The following LRRC4C variants were observed in gnomAD, a reference collection of about 807,000 sequenced individuals.
LRRC4C encodes the protein leucine rich repeat containing 4C, also known as leucine-rich repeat-containing protein 4C.
LRRC4C carries 5 observed loss-of-function variants against 33.6 expected under a neutral mutation model. That is an observed-to-expected ratio of 0.15 (90% CI 0.08 to 0.31). The LOEUF (loss-of-function observed/expected upper bound fraction) is 0.31, where lower values mean the gene tolerates loss of function less well. Among genes scored for constraint, LRRC4C ranks in the 10% least tolerant of loss-of-function variants. The probability of loss-of-function intolerance (pLI) is 1.00; values close to 1 mark genes in which losing one functional copy is unlikely to be tolerated. For missense variants in LRRC4C, 560 were observed against 796.7 expected (o/e 0.70, Z 3.58); for synonymous variants, 329 against 302.0 (o/e 1.09, Z -0.93).
chr11:41,429,928 A>C (rs1955178155), intron 1 of LRRC4C, among the ~76,000 whole-genome samples: 2 of 152,166 alleles, frequency 1.3e-5, no homozygotes, highest in Admixed American at 1.3e-4. Context: ...TAAGTTAGGC[A>C]GATGATGGTA....
intron 1 of LRRC4C, among the ~76,000 whole-genome samples, chr11:41,364,418 A>T (rs1451784068): frequency 6.6e-6 from 1 of 152,096 alleles, no homozygotes; most frequent in Non-Finnish European, 1.5e-5. Context: ...AGCTAGGATT[A>T]TAGGCACGCA....
intron 2 of LRRC4C, among the ~76,000 whole-genome samples, chr11:40,800,944 T>A (rs1241086665): frequency 1.3e-5 from 2 of 152,146 alleles, no homozygotes; most frequent in African/African-American, 4.8e-5. Flanking sequence ...TCTTGTTCCT[T>A]AAATACATCA....
chr11:40,156,917 T>G (rs1858745965), intron 5 of LRRC4C, among the ~76,000 whole-genome samples: 1 of 152,060 alleles, frequency 6.6e-6, no homozygotes, highest in African/African-American at 2.4e-5. Flanking sequence ...AAAACAATTC[T>G]AAAATTCATA....
At chr11:41,087,457 T>A (rs1369280798) in intron 1 of LRRC4C, among the ~76,000 whole-genome samples, 3 of 152,182 alleles carry the variant, frequency 2.0e-5, no homozygotes, top group Non-Finnish European at 4.4e-5. Flanking sequence ...GTAGTTCTCC[T>A]TCATCATCTT....
intron 5 of LRRC4C, among the ~76,000 whole-genome samples, chr11:40,144,310 C>T (rs935452566): frequency 1.3e-5 from 2 of 152,088 alleles, no homozygotes; most frequent in African/African-American, 4.8e-5. Flanking sequence ...AAATGCTGAA[C>T]ATAACTATCC....
chr11:40,260,346 T>C (rs1342419596), intron 4 of LRRC4C, among the ~76,000 whole-genome samples: 10 of 144,972 alleles, frequency 6.9e-5, no homozygotes, highest in East Asian at 2.0e-4. Context: ...TAGGTGGGAA[T>C]TGAACAATGA....
chr11:40,892,631 A>G (rs1254381748), intron 2 of LRRC4C, among the ~76,000 whole-genome samples: 1 of 152,242 alleles, frequency 6.6e-6, no homozygotes, highest in African/African-American at 2.4e-5. Context: ...ATTTTGATAT[A>G]TGTTACAATG....
At chr11:40,664,194 T>A (rs1943595448) in intron 2 of LRRC4C, among the ~76,000 whole-genome samples, 1 of 152,170 alleles carries the variant, frequency 6.6e-6, no homozygotes, top group Admixed American at 6.6e-5. Flanking sequence ...AACTTAAGCT[T>A]TAAATGCATA....
At chr11:40,502,516 G>A (rs1220010700) in intron 3 of LRRC4C, among the ~76,000 whole-genome samples, 1 of 152,138 alleles carries the variant, frequency 6.6e-6, no homozygotes, top group East Asian at 1.9e-4. Flanking sequence ...GAGAGAATGA[G>A]GCAGAAGTGA....
intron 5 of LRRC4C, among the ~76,000 whole-genome samples, chr11:40,218,811 C>T (rs1864193373): frequency 6.6e-6 from 1 of 151,614 alleles, no homozygotes; most frequent in South Asian, 2.1e-4. Context: ...TGGCAATGGC[C>T]TTTCTGGTCT....
At chr11:40,941,108 C>G (rs1958123471) in intron 1 of LRRC4C, among the ~76,000 whole-genome samples, 1 of 151,722 alleles carries the variant, frequency 6.6e-6, no homozygotes, top group African/African-American at 2.4e-5. Context: ...ATTGTTAAAC[C>G]AGTGTAATTT....
intron 2 of LRRC4C, among the ~76,000 whole-genome samples, chr11:40,736,765 G>T (rs1248953800): frequency 6.6e-6 from 1 of 151,994 alleles, no homozygotes; most frequent in Non-Finnish European, 1.5e-5. Context: ...AATGACCAAT[G>T]ATGATGAGCT....
chr11:41,282,809 G>A (rs750029429), intron 1 of LRRC4C, among the ~76,000 whole-genome samples: 7 of 152,138 alleles, frequency 4.6e-5, no homozygotes, highest in Non-Finnish European at 1.0e-4. Flanking sequence ...AGCCAACCAC[G>A]CAGAAACAGC....
rs1956271574 is a variant in LRRC4C, at chr11:41,459,544, A to G, written c.-609T>C. 1 of 151,934 alleles carries G rather than the reference A, an allele frequency of 6.6e-6. No individual in the cohort carries two copies. Among genetic ancestry groups the G allele is most frequent in the Non-Finnish European group, 1.5e-5 (1 of 68,010 alleles). 9.4% of individuals were successfully genotyped at this position (151,934 alleles called of 1,614,324 possible). On this transcript the variant is annotated 5_prime_UTR_variant, in exon 1 of 7. Coordinates refer to ENST00000528697, the MANE Select transcript of LRRC4C (RefSeq NM_001258419.2). ...TTTTTTTTTAAGTCATATCGGAGAA[A>G]AATAATCAGTTTTCAAAGGTTCCAT... is the stretch of plus-strand genomic sequence containing the variant.
At chr11:40,604,382 T>A (rs1960344527) in intron 3 of LRRC4C, among the ~76,000 whole-genome samples, 1 of 152,128 alleles carries the variant, frequency 6.6e-6, no homozygotes, top group African/African-American at 2.4e-5. Flanking sequence ...TACAATATCA[T>A]CTTACTTACA....
intron 4 of LRRC4C, among the ~76,000 whole-genome samples, chr11:40,268,561 T>A (rs1217937190): frequency 3.9e-5 from 6 of 152,108 alleles, no homozygotes; most frequent in African/African-American, 1.4e-4. Context: ...GGAGAGATAT[T>A]AAAGACATAA....
intron 1 of LRRC4C, among the ~76,000 whole-genome samples, chr11:40,940,848 T>G (rs1370122522): frequency 6.6e-6 from 1 of 152,062 alleles, no homozygotes; most frequent in Non-Finnish European, 1.5e-5. Context: ...ATTATTTTAC[T>G]TACTTAATTC....
intron 3 of LRRC4C, among the ~76,000 whole-genome samples, chr11:40,532,969 T>C (rs186957633): frequency 6.6e-6 from 1 of 152,078 alleles, no homozygotes; most frequent in Non-Finnish European, 1.5e-5. Flanking sequence ...CAAACACTTA[T>C]AAAACCATCA....
chr11:40,545,390 T>A (rs956112836), intron 3 of LRRC4C, among the ~76,000 whole-genome samples: 3 of 152,042 alleles, frequency 2.0e-5, no homozygotes, highest in African/African-American at 7.2e-5. Context: ...TTTGTAATTT[T>A]ATGAAAGAGT....
Sources: allele counts gnomAD v4.1 joint callset (sites outside exome capture counted in the v4.1 genomes callset), GRCh38; gene constraint gnomAD v4.1.1; transcripts MANE v1.5; gene names NCBI Gene and HGNC (gene_info 2026-07-23, HGNC 2026-07-21).